WWOX: variants seen among roughly 807,000 people sequenced by gnomAD.
WWOX encodes the protein WW domain containing oxidoreductase.
Under a neutral mutation model 46.2 loss-of-function variants are expected in WWOX, and 69 were observed. That is an observed-to-expected ratio of 1.49 (90% confidence interval 1.23 to 1.82). The LOEUF is 1.82. Among genes scored for constraint, WWOX ranks in the 40% most tolerant of loss-of-function variants. The probability of loss-of-function intolerance (pLI) is 0.00; values close to 1 mark genes in which losing one functional copy is unlikely to be tolerated. For missense variants in WWOX, 919 were observed against 542.6 expected (o/e 1.69, Z -6.89); for synonymous variants, 359 against 202.6 (o/e 1.77, Z -6.56).
chr16:79,005,561 TC>T, intron 8 of WWOX, among the ~76,000 whole-genome samples: 1 of 152,296 alleles, frequency 6.6e-6, no homozygotes, highest in East Asian at 1.9e-4. Context: ...TGTAGGTATT[TC>T]CTGGCAACCT....
At chr16:78,587,071 G>T (rs1227053557) in intron 8 of WWOX, among the ~76,000 whole-genome samples, 2 of 152,064 alleles carry the variant, frequency 1.3e-5, no homozygotes, top group Non-Finnish European at 2.9e-5. Context: ...TGTTGCCCAG[G>T]CTGGAGTGCA....
chr16:79,167,747 G>C (rs953447867), intron 8 of WWOX, among the ~76,000 whole-genome samples: 2 of 152,192 alleles, frequency 1.3e-5, no homozygotes, highest in Admixed American at 1.3e-4. Context: ...TTTTAGTTGA[G>C]ATGAAATTCA....
At chr16:78,930,500 A>G (rs923791693) in intron 8 of WWOX, among the ~76,000 whole-genome samples, 2 of 130,442 alleles carry the variant, frequency 1.5e-5, no homozygotes, top group Non-Finnish European at 3.1e-5. Context: ...CATGTTGCCC[A>G]GGCTGGTCTT....
At chr16:78,668,794 G>A (rs1412633409) in intron 8 of WWOX, among the ~76,000 whole-genome samples, 1 of 152,142 alleles carries the variant, frequency 6.6e-6, no homozygotes, top group African/African-American at 2.4e-5. Context: ...GGGAATAGCA[G>A]GTACAGCAGC....
chr16:78,797,845 G>A (rs551571467), intron 8 of WWOX, among the ~76,000 whole-genome samples: 3 of 152,264 alleles, frequency 2.0e-5, no homozygotes, highest in South Asian at 4.1e-4. Context: ...AAAATTAGCT[G>A]CGCGTGGTGG....
intron 8 of WWOX, among the ~76,000 whole-genome samples, chr16:78,938,047 C>A (rs890804983): frequency 6.6e-6 from 1 of 152,162 alleles, no homozygotes; most frequent in Non-Finnish European, 1.5e-5. Flanking sequence ...GGAGATAGGT[C>A]ACTTTCCCAA....
chr16:79,030,073 C>T (rs917696367), intron 8 of WWOX, among the ~76,000 whole-genome samples: 2 of 152,246 alleles, frequency 1.3e-5, no homozygotes, highest in South Asian at 4.2e-4. Flanking sequence ...AAAAAAATAG[C>T]ATCTGCCCAA....
chr16:78,629,670 C>G (rs1597370637), intron 8 of WWOX, among the ~76,000 whole-genome samples: 1 of 152,208 alleles, frequency 6.6e-6, no homozygotes. Flanking sequence ...TGCACAGGCT[C>G]TTGTCTCTGG....
chr16:78,844,259 A>C (rs1404257826), intron 8 of WWOX, among the ~76,000 whole-genome samples: 1 of 152,182 alleles, frequency 6.6e-6, no homozygotes, highest in Non-Finnish European at 1.5e-5. Context: ...CTAAACCCAG[A>C]ACCATAAAGT....
intron 8 of WWOX, among the ~76,000 whole-genome samples, chr16:78,932,701 T>G (rs35213849): frequency 0.16 from 24,541 of 152,152 alleles, 2,303 homozygotes; most frequent in Non-Finnish European, 0.21. Flanking sequence ...TAAAACAGAC[T>G]ATATCCACAT....
At chr16:78,988,064 C>G (rs1421689263) in intron 8 of WWOX, among the ~76,000 whole-genome samples, 1 of 152,074 alleles carries the variant, frequency 6.6e-6, no homozygotes. Context: ...AATTTCTGGT[C>G]TGGTGCTGTG....
chr16:78,919,829 T>C (rs983744822), intron 8 of WWOX, among the ~76,000 whole-genome samples: 13 of 152,158 alleles, frequency 8.5e-5, no homozygotes, highest in East Asian at 1.9e-4. Flanking sequence ...GGCTTTATTT[T>C]CTTATGTGGG....
rs1343636934 is a variant in WWOX at position 78,436,499 on chromosome 16, A to G, written c.1056+3747A>G. Reference sequence around the variant, plus strand: ...GAAGACTGTGGAATATGTAGCTAAGAGTCTTACTAAAATCCTCTCTAGTGT... The same window carrying G: ...GAAGACTGTGGAATATGTAGCTAAGGGTCTTACTAAAATCCTCTCTAGTGT... On this transcript the variant is annotated intron_variant, in intron 8 of 8. Transcript: ENST00000566780. Among the ~76,000 whole-genome samples the G allele has an allele frequency of 2.6e-5, 4 of 152,220 alleles. No homozygotes were observed. The East Asian group carries it at 5.8e-4, about 22-fold the overall frequency.
At chr16:78,881,962 C>G (rs1326614472) in intron 8 of WWOX, among the ~76,000 whole-genome samples, 1 of 151,980 alleles carries the variant, frequency 6.6e-6, no homozygotes, top group Non-Finnish European at 1.5e-5. Context: ...ATCTTTACTA[C>G]TAAAAATACA....
In WWOX at chr16:78,412,845, C is replaced by G. The variant is rs537564552; in HGVS notation, c.606-12025C>G. ...CTGAATGGAGATGAATATTTCAAAA[C>G]TATAGACCATAAATGGGAAGAGAGA... On this transcript the variant is annotated intron_variant, in intron 6 of 8. Coordinates refer to ENST00000566780, the MANE Select transcript of WWOX (RefSeq NM_016373.4). Among the ~76,000 whole-genome samples, 12 of 152,312 alleles carry G rather than the reference C, an allele frequency of 7.9e-5. No individual in the cohort carries two copies. In the East Asian group the frequency reaches 1.2e-3, roughly 15 times the overall value.
At chr16:78,435,955 T>C (rs560351646) in intron 8 of WWOX, among the ~76,000 whole-genome samples, 1 of 152,336 alleles carries the variant, frequency 6.6e-6, no homozygotes, top group East Asian at 1.9e-4. Context: ...CATGTGGCTA[T>C]TGAGTTCTAA....
intron 8 of WWOX, among the ~76,000 whole-genome samples, chr16:78,918,967 C>T (rs560249552): frequency 6.6e-6 from 1 of 152,016 alleles, no homozygotes; most frequent in Admixed American, 6.6e-5. Flanking sequence ...TGATTGGACC[C>T]AGGGCAGAAA....
At chr16:79,125,929 C>T (rs1007098559) in intron 8 of WWOX, among the ~76,000 whole-genome samples, 4 of 152,214 alleles carry the variant, frequency 2.6e-5, no homozygotes, top group African/African-American at 7.2e-5. Context: ...AGGAGACTGT[C>T]ATCTCTGTGA....
chr16:78,300,518 C>T (rs758988605), intron 5 of WWOX, among the ~76,000 whole-genome samples: 1 of 151,726 alleles, frequency 6.6e-6, no homozygotes, highest in Non-Finnish European at 1.5e-5. Flanking sequence ...TCCCCTCTCC[C>T]TTCTCCCCTC....
Sources: allele counts gnomAD v4.1 joint callset (sites outside exome capture counted in the v4.1 genomes callset), GRCh38; gene constraint gnomAD v4.1.1; transcripts MANE v1.5; gene names NCBI Gene and HGNC (gene_info 2026-07-23, HGNC 2026-07-21).